ZC3H13: variants seen among roughly 807,000 people sequenced by gnomAD.
ZC3H13 encodes the protein zinc finger CCCH domain-containing protein 13.
In ZC3H13, 64 loss-of-function variants were observed where a neutral mutation model predicts 204.1. That is an observed-to-expected ratio of 0.31 (90% CI 0.26 to 0.39). The LOEUF (loss-of-function observed/expected upper bound fraction) is 0.39. Among genes scored for constraint, ZC3H13 ranks in the 10% least tolerant of loss-of-function variants. The probability of loss-of-function intolerance (pLI) is 1.00; values close to 1 mark genes in which losing one functional copy is unlikely to be tolerated. For missense variants in ZC3H13, 1,833 were observed against 2,082.7 expected (o/e 0.88, Z 2.33); for synonymous variants, 667 against 693.7 (o/e 0.96, Z 0.60).
In ZC3H13 at chr13:45,989,179, G is replaced by A. The variant is rs532842770; in HGVS notation, c.945-82C>T. The A allele has an allele frequency of 3.0e-6, 4 of 1,328,036 alleles. No individual in the cohort carries two copies. The African/African-American group carries it at 6.0e-5, about 20-fold the overall frequency. The allele number at this position is 1,328,036 out of a possible 1,614,324, so 82.3% of individuals were successfully genotyped here. A position where few individuals can be genotyped will look rare whatever the true frequency, so the allele number is the denominator to read the frequency against. ...AAGGAAAATCTTTAAAAACAAAAAA[G>A]TGAATATGAAAGTATAGACAATAAC... On this transcript the variant is annotated intron_variant, in intron 8 of 18. Coordinates refer to ENST00000679008, the MANE Select transcript of ZC3H13 (RefSeq NM_001330564.2).
chr13:46,005,816 G>A (rs1278691525), intron 7 of ZC3H13, among the ~76,000 whole-genome samples: 1 of 152,086 alleles, frequency 6.6e-6, no homozygotes, highest in Non-Finnish European at 1.5e-5. Context: ...TGTTCAGGCT[G>A]GGCGACGTGG....
In ZC3H13 at chr13:45,959,626, G is replaced by A. The variant is rs867529835; in HGVS notation, c.4696C>T (p.His1566Tyr). The A allele has an allele frequency of 2.0e-6, 3 of 1,529,800 alleles. No homozygotes were observed. The highest frequency in any genetic ancestry group is 2.6e-6 in the Non-Finnish European group (3 of 1,138,960). 94.8% of individuals were successfully genotyped at this position (1,529,800 alleles called of 1,614,324 possible). A position where few individuals can be genotyped will look rare whatever the true frequency, so the allele number is the denominator to read the frequency against. ...GCCATATTGAGAGCCCCCAATTCAT[G>A]TTCAAAGAGATTGTCTGCATCTTTC... ...KPKDADNLFE[H>Y]ELGALNMAAL... Residue 1566 changes from histidine (H) to tyrosine (Y), a missense_variant, in exon 18 of 19, where the codon CAT (histidine) becomes TAT (tyrosine). This residue lies in a region of ZC3H13 where 211 missense variants were observed against 228.4 expected (regional missense o/e 0.92). Coordinates refer to ENST00000679008, the MANE Select transcript of ZC3H13 (RefSeq NM_001330564.2).
chr13:46,011,576 C>T (rs200559284), intron 5 of ZC3H13, 22 bp from the exon 6 acceptor site: 2 of 1,523,894 alleles, frequency 1.3e-6, no homozygotes, highest in Admixed American at 4.3e-5. Context: ...AATTGCATTA[C>T]TGTTAGAAAC....
At chr13:46,034,267 T>C (rs942172561) in intron 4 of ZC3H13, among the ~76,000 whole-genome samples, 15 of 152,132 alleles carry the variant, frequency 9.9e-5, no homozygotes, top group African/African-American at 3.6e-4. Flanking sequence ...AAAATATACA[T>C]AAGACACAGT....
intron 10 of ZC3H13, among the ~76,000 whole-genome samples, chr13:45,984,778 A>G (rs1303270117): frequency 1.3e-5 from 2 of 152,176 alleles, no homozygotes; most frequent in African/African-American, 4.8e-5. Flanking sequence ...AATAGTTACA[A>G]TATATTTAAG....
At chr13:45,962,976 C>T (rs1566142610) in intron 17 of ZC3H13, 2 of 985,290 alleles carry the variant, frequency 2.0e-6, no homozygotes, top group African/African-American at 1.7e-5. Context: ...TCTGGAATAA[C>T]TGAAAATTGC....
At chr13:45,983,810 A>C (rs1362855096) in intron 10 of ZC3H13, among the ~76,000 whole-genome samples, 2 of 152,200 alleles carry the variant, frequency 1.3e-5, no homozygotes, top group African/African-American at 2.4e-5. Flanking sequence ...AAGAAGAGCC[A>C]AATCAGTGTG....
rs1225800546 is a variant in ZC3H13 at position 45,967,562 on chromosome 13, C to T, written c.4263G>A (p.Leu1421=). ...TTTCTTCAAATCCCTGCACAGATCC[C>T]AGATCTTTATCCATTCTCTCTTTAT... The part of the protein sequence containing the change: ...ALDKERMDKD[L]GSVQGFEETN... The change falls in exon 15 of 19, where the codon CTG becomes CTA. Residue 1421 remains leucine, a synonymous_variant. Coordinates refer to ENST00000679008, the MANE Select transcript of ZC3H13 (RefSeq NM_001330564.2). 1.2e-6 allele frequency: 2 copies of T among 1,608,662 alleles called. No individual in the cohort carries two copies. Among genetic ancestry groups the T allele is most frequent in the Non-Finnish European group, 8.5e-7 (1 of 1,177,714 alleles).
intron 5 of ZC3H13, among the ~76,000 whole-genome samples, chr13:46,016,760 G>A (rs2138749705): frequency 6.6e-6 from 1 of 152,220 alleles, no homozygotes; most frequent in South Asian, 2.1e-4. Flanking sequence ...TTGTAAGAAA[G>A]ATTATTCTTG....
Position 46,044,986 on chromosome 13 carries a change from G to A in ZC3H13, c.196C>T (p.Arg66Cys), listed in dbSNP as rs150199639. 17 of 1,612,736 alleles carry A rather than the reference G, an allele frequency of 1.1e-5. No individual in the cohort carries two copies. The highest frequency in any genetic ancestry group is 1.6e-4 in the Middle Eastern group (1 of 6,080). The change falls in exon 3 of 19, where the codon CGT becomes TGT. Residue 66 changes from arginine (R) to cysteine (C), a missense_variant. This residue lies in a region of ZC3H13 where 1,574 missense variants were observed against 1,757.2 expected (regional missense o/e 0.90). Coordinates refer to ENST00000679008, the MANE Select transcript of ZC3H13 (RefSeq NM_001330564.2). The part of the protein sequence containing the change: ...TCRFVHGPSP[R>C]GKGYSSNYRR... ...TAATTGCTGCTATAACCTTTACCACGAGGTGAAGGGCCATGTACGAATCTA... is the reference window on the plus strand; with the variant it reads ...TAATTGCTGCTATAACCTTTACCACAAGGTGAAGGGCCATGTACGAATCTA...
rs141782772 is a variant in ZC3H13, at chr13:46,018,340, G to C, written c.448+2109C>G. ...AAACAGTATCAAGTAGAAACAGTAA[G>C]GCACAGAACTGTTTTAAGAATTTAG... On this transcript the variant is annotated intron_variant, in intron 5 of 18. Transcript: ENST00000679008. Among the ~76,000 whole-genome samples the C allele has an allele frequency of 3.1e-3, 471 of 152,166 alleles. 5 individuals are homozygous for C. The highest frequency in any genetic ancestry group is 0.011 in the African/African-American group (456 of 41,526).
At chr13:46,002,235 T>A (rs913457406) in intron 8 of ZC3H13, among the ~76,000 whole-genome samples, 1 of 152,128 alleles carries the variant, frequency 6.6e-6, no homozygotes, top group African/African-American at 2.4e-5. Context: ...TAAACACACC[T>A]ATTCGAATGG....
intron 5 of ZC3H13, among the ~76,000 whole-genome samples, chr13:46,012,762 T>C (rs924816466): frequency 6.6e-6 from 1 of 152,180 alleles, no homozygotes; most frequent in Non-Finnish European, 1.5e-5. Flanking sequence ...CTAGATAAAA[T>C]GAAGACACTG....
At chr13:45,970,039 A>G (rs1274749794) in intron 13 of ZC3H13, 68 bp from the exon 14 acceptor site, 3 of 1,502,596 alleles carry the variant, frequency 2.0e-6, no homozygotes, top group East Asian at 4.5e-5. Context: ...CATATAGATT[A>G]TAATAATTTC....
At chr13:45,990,048 G>A in intron 8 of ZC3H13, among the ~76,000 whole-genome samples, 1 of 152,160 alleles carries the variant, frequency 6.6e-6, no homozygotes, top group Non-Finnish European at 1.5e-5. Context: ...TATGTGCAGT[G>A]ATGGCACAAA....
At chr13:46,041,687 T>C (rs2043597203) in intron 4 of ZC3H13, among the ~76,000 whole-genome samples, 1 of 152,184 alleles carries the variant, frequency 6.6e-6, no homozygotes, top group African/African-American at 2.4e-5. Context: ...TTGGCTTCAC[T>C]GCCAACAAAT....
At chr13:45,963,476 T>TAGATCTC in intron 17 of ZC3H13, 1 of 1,026,368 alleles carries the variant, frequency 9.7e-7, no homozygotes, top group South Asian at 3.7e-5. Context: ...GGTTGGAGTG[T>TAGATCTC]GGTGGCTCAA....
At chr13:46,010,654 G>C in intron 6 of ZC3H13, 149 bp from the exon 7 acceptor site, 1 of 750,994 alleles carries the variant, frequency 1.3e-6, no homozygotes, top group Admixed American at 3.0e-5. Context: ...CCAGTTTCTC[G>C]AGAGGCTGAG....
intron 8 of ZC3H13, among the ~76,000 whole-genome samples, chr13:45,998,440 T>C (rs1312188186): frequency 2.6e-5 from 4 of 151,934 alleles, no homozygotes; most frequent in African/African-American, 4.8e-5. Flanking sequence ...GGTAAGGAGA[T>C]TGACACCATC....
Sources: gnomAD v4.1 joint callset for allele counts (sites outside exome capture counted in the v4.1 genomes callset) on GRCh38, gnomAD v4.1.1 for gene constraint, gnomAD v4.1.1 regional missense constraint, MANE v1.5 for transcripts, NCBI Gene and HGNC (gene_info 2026-07-23, HGNC 2026-07-21) for gene names.